The following QTMAN variants were observed in gnomAD, a reference collection of about 807,000 sequenced individuals.
The protein encoded by QTMAN is queuosine-tRNA mannosyltransferase, also known as tRNA-queuosine alpha-mannosyltransferase.
the QTMAN span, among the ~76,000 whole-genome samples, chr2:143,996,221 A>G: frequency 6.6e-6 from 1 of 152,164 alleles, no homozygotes; most frequent in African/African-American, 2.4e-5. Context: ...GTCATCTTCA[A>G]CAAGTGCATT....
the QTMAN span, among the ~76,000 whole-genome samples, chr2:144,083,708 A>G: frequency 6.6e-6 from 1 of 152,156 alleles, no homozygotes; most frequent in Non-Finnish European, 1.5e-5. Context: ...CATTGTGCCT[A>G]TCCCAGGTGG....
At chr2:143,976,241 A>T in the QTMAN span, among the ~76,000 whole-genome samples, 1 of 152,082 alleles carries the variant, frequency 6.6e-6, no homozygotes, top group Non-Finnish European at 1.5e-5. Context: ...CCTTCAGCCC[A>T]TAGTAACATT....
At chr2:144,248,922 G>A in the QTMAN span, among the ~76,000 whole-genome samples, 6 of 152,166 alleles carry the variant, frequency 3.9e-5, no homozygotes, top group Admixed American at 3.3e-4. Flanking sequence ...CAGTGGGGCA[G>A]TGTTCAAATG....
At chr2:144,224,801 TATTA>T in the QTMAN span, among the ~76,000 whole-genome samples, 1 of 152,230 alleles carries the variant, frequency 6.6e-6, no homozygotes, top group Non-Finnish European at 1.5e-5. Context: ...AACAAGCATT[TATTA>T]ATTATTACAT....
chr2:144,189,942 C>A, the QTMAN span, among the ~76,000 whole-genome samples: 1 of 152,132 alleles, frequency 6.6e-6, no homozygotes, highest in African/African-American at 2.4e-5. Flanking sequence ...TTCTTCACTG[C>A]ATAATAGGGT....
the QTMAN span, among the ~76,000 whole-genome samples, chr2:144,275,123 G>A: frequency 3.3e-5 from 5 of 152,058 alleles, no homozygotes; most frequent in African/African-American, 7.2e-5. Flanking sequence ...AGTGGCTCAC[G>A]TCTGTAATCC....
the QTMAN span, among the ~76,000 whole-genome samples, chr2:144,181,740 G>A: frequency 1.3e-5 from 2 of 152,164 alleles, no homozygotes; most frequent in Admixed American, 6.6e-5. Context: ...GAGCCCGGGA[G>A]ATGGAGGCCG....
the QTMAN span, among the ~76,000 whole-genome samples, chr2:144,253,773 AC>A: frequency 4.6e-5 from 7 of 152,148 alleles, no homozygotes; most frequent in African/African-American, 1.2e-4. Flanking sequence ...AAAAAAAAAA[AC>A]ATTTTCTAGG....
chr2:144,248,945 A>G, the QTMAN span, among the ~76,000 whole-genome samples: 1 of 152,170 alleles, frequency 6.6e-6, no homozygotes, highest in Non-Finnish European at 1.5e-5. Flanking sequence ...GACCTTCAGG[A>G]TTTCTTAACA....
chr2:144,204,796 T>C, the QTMAN span, among the ~76,000 whole-genome samples: 6 of 152,012 alleles, frequency 3.9e-5, no homozygotes, highest in Admixed American at 3.3e-4. Context: ...ACATACACCA[T>C]GGAATACTAT....
the QTMAN span, among the ~76,000 whole-genome samples, chr2:144,035,019 C>T: frequency 1.5e-4 from 23 of 152,292 alleles, no homozygotes; most frequent in Admixed American, 7.2e-4. Context: ...AATTTGTCCC[C>T]GCCCAAATCT....
At chr2:144,133,237 T>TG in the QTMAN span, among the ~76,000 whole-genome samples, 27 of 58,870 alleles carry the variant, frequency 4.6e-4, no homozygotes, top group African/African-American at 2.3e-3. Context: ...ATATTTATAT[T>TG]TATATATAAA....
At chr2:143,971,928 C>A in the QTMAN span, among the ~76,000 whole-genome samples, 1 of 152,084 alleles carries the variant, frequency 6.6e-6, no homozygotes, top group African/African-American at 2.4e-5. Context: ...TGAATTAAAA[C>A]AAATGTATCT....
At chr2:144,310,130 G>T in the QTMAN span, among the ~76,000 whole-genome samples, 3 of 152,170 alleles carry the variant, frequency 2.0e-5, no homozygotes, top group Non-Finnish European at 2.9e-5. Context: ...GCCAAAGAAG[G>T]TCTCACTAGA....
chr2:144,062,251 G>T, the QTMAN span, among the ~76,000 whole-genome samples: 1 of 152,192 alleles, frequency 6.6e-6, no homozygotes, highest in Non-Finnish European at 1.5e-5. Context: ...GTTCATCTGT[G>T]TGCTCCCCTT....
chr2:144,260,264 G>C, the QTMAN span, among the ~76,000 whole-genome samples: 1 of 151,906 alleles, frequency 6.6e-6, no homozygotes, highest in Non-Finnish European at 1.5e-5. Flanking sequence ...AACAAAAATA[G>C]TATGTAGGAT....
At chr2:144,277,165 GTTAAA>G in the QTMAN span, among the ~76,000 whole-genome samples, 1 of 151,840 alleles carries the variant, frequency 6.6e-6, no homozygotes, top group African/African-American at 2.4e-5. Context: ...GATATAATGG[GTTAAA>G]TTAATCATAT....
chr2:144,267,123 G>C, the QTMAN span, among the ~76,000 whole-genome samples: 26 of 152,284 alleles, frequency 1.7e-4, no homozygotes, highest in African/African-American at 6.0e-4. Flanking sequence ...TGAAAGTGCA[G>C]GACTAGAGTT....
the QTMAN span, chr2:144,319,906 A>G: frequency 1.3e-5 from 2 of 152,224 alleles, no homozygotes; most frequent in African/African-American, 4.8e-5. Flanking sequence ...GCATCGTCCT[A>G]TAAAACATCT....
Sources: gnomAD v4.1 joint callset for allele counts (sites outside exome capture counted in the v4.1 genomes callset) on GRCh38, gnomAD v4.1.1 for gene constraint, MANE v1.5 for transcripts, NCBI Gene and HGNC (gene_info 2026-07-23, HGNC 2026-07-21) for gene names.